Variants in ENTPD3 observed in about 807,000 individuals in gnomAD.
ENTPD3 encodes the protein ectonucleoside triphosphate diphosphohydrolase 3.
Under a neutral mutation model 51.2 loss-of-function variants are expected in ENTPD3, and 60 were observed. The observed-to-expected ratio is 1.17, with a 90% CI of 0.95 to 1.45. The LOEUF (loss-of-function observed/expected upper bound fraction) is 1.45. Ranked by LOEUF, ENTPD3 falls within the 40% of genes most tolerant of loss-of-function variation. The pLI is 0.00. For synonymous variants in ENTPD3, 221 were observed against 238.4 expected, an observed-to-expected ratio of 0.93 and a Z score of 0.67; for missense variants, 593 against 641.1, an observed-to-expected ratio of 0.93 and a Z score of 0.81.
chr3:40,427,343 C>G lies in ENTPD3; in HGVS notation c.1425C>G (p.Ser475Arg). ...TGACCAACCAGATCCCAGCTGAAAG[C>G]CCTCTGATCCGTCTGCCCATAGAAC... ...LSLTNQIPAESPLIRLPIEPP... is the reference protein window; with the variant it reads ...LSLTNQIPAERPLIRLPIEPP... The change falls in exon 11 of 11, where the codon AGC (serine) becomes AGG (arginine). Residue 475 changes from serine (S) to arginine (R), a missense_variant. Ser to Arg is a moderately radical substitution (Grantham distance 110). Coordinates refer to ENST00000301825, the MANE Select transcript of ENTPD3 (RefSeq NM_001248.4). 2 of 1,614,160 alleles carry G rather than the reference C, an allele frequency of 1.2e-6. No homozygotes were observed. Among genetic ancestry groups the G allele is most frequent in the Non-Finnish European group, 1.7e-6 (2 of 1,180,034 alleles).
chr3:40,428,115 A>G lies in ENTPD3; in HGVS notation c.*607A>G, dbSNP rs1228196428. ...CAGAGACATAAAAAAGGTCTCCCAG[A>G]AAACTATAGACCATTCTCCAAGTGG... On this transcript the variant is annotated 3_prime_UTR_variant, in exon 11 of 11. Coordinates refer to ENST00000301825, the MANE Select transcript of ENTPD3 (RefSeq NM_001248.4). 1 of 155,682 alleles carries G rather than the reference A, an allele frequency of 6.4e-6. No individual in the cohort carries two copies. The highest frequency in any genetic ancestry group is 1.4e-5 in the Non-Finnish European group (1 of 70,040). The allele number at this position is 155,682 out of a possible 1,614,324, so 9.6% of individuals were successfully genotyped here.
intron 4 of ENTPD3, among the ~76,000 whole-genome samples, chr3:40,402,873 G>C (rs902080380): frequency 1.3e-5 from 2 of 152,148 alleles, no homozygotes; most frequent in African/African-American, 4.8e-5. Context: ...CCAAGTAATT[G>C]AGCCTAGTTA....
chr3:40,388,236 G>A (rs781186360), intron 2 of ENTPD3, 139 bp downstream of exon 2: 30 of 744,742 alleles, frequency 4.0e-5, no homozygotes, highest in Non-Finnish European at 6.4e-5. Flanking sequence ...ACTCAGCTGG[G>A]TTTCAACACC....
Position 40,400,044 on chromosome 3 carries a change from C to T in ENTPD3, c.169-850C>T, listed in dbSNP as rs186584980. ...CTTTGGGAGGCCGAGGCGGGTGGAT[C>T]ACTTGAGGTCGGGAGTTTGAGACCA... On this transcript the variant is annotated intron_variant, in intron 3 of 10. Transcript: ENST00000301825. Among the ~76,000 whole-genome samples the T allele has an allele frequency of 1.7e-3, 264 of 152,206 alleles. 2 individuals carry two copies. Among genetic ancestry groups the T allele is most frequent in the African/African-American group, 6.1e-3 (255 of 41,538 alleles).
At chr3:40,399,494 C>G (rs888475525) in intron 3 of ENTPD3, 1 of 152,152 alleles carries the variant, frequency 6.6e-6, no homozygotes, top group Non-Finnish European at 1.5e-5. Flanking sequence ...ATCATAAAAT[C>G]GAGAATCCAT....
At chr3:40,412,102 C>T (rs961571248) in intron 5 of ENTPD3, 140 bp downstream of exon 5, 46 of 894,950 alleles carry the variant, frequency 5.1e-5, no homozygotes, top group Non-Finnish European at 6.8e-5. Flanking sequence ...TAAATTTGGG[C>T]TTTAAAGGTT....
At chr3:40,404,693 C>T (rs1226904695) in intron 4 of ENTPD3, among the ~76,000 whole-genome samples, 1 of 152,150 alleles carries the variant, frequency 6.6e-6, no homozygotes. Context: ...CAAACTAAAG[C>T]TCAAATTACA....
At chr3:40,403,687 C>T (rs1955424754) in intron 4 of ENTPD3, among the ~76,000 whole-genome samples, 1 of 141,526 alleles carries the variant, frequency 7.1e-6, no homozygotes, top group Non-Finnish European at 1.5e-5. Context: ...GGGTCTCATT[C>T]TGTCTCCCAG....
rs749902353 is a variant in ENTPD3, at chr3:40,414,744, G to A, written c.501G>A (p.Gln167=). Residue 167 remains glutamine (Q), a synonymous_variant, in exon 6 of 11, where the codon CAG becomes CAA. Transcript: ENST00000301825. ...GCATCCAAAGCTACTTCAAGTCCCAGCCCTTTGACTTTAGGGGTGCTCAAA... is the reference window on the plus strand; with the variant it reads ...GCATCCAAAGCTACTTCAAGTCCCAACCCTTTGACTTTAGGGGTGCTCAAA... ...LESIQSYFKS[Q]PFDFRGAQII... The A allele has an allele frequency of 6.2e-7, 1 of 1,614,134 alleles. No individual in the cohort carries two copies.
intron 5 of ENTPD3, 149 bp from the exon 6 acceptor site, chr3:40,414,532 G>T: frequency 1.2e-6 from 1 of 820,482 alleles, no homozygotes; most frequent in Non-Finnish European, 1.9e-6. Context: ...CTTGCAAAAG[G>T]GATTGTGGTG....
intron 3 of ENTPD3, among the ~76,000 whole-genome samples, chr3:40,393,935 C>A (rs1480254669): frequency 6.6e-6 from 1 of 150,676 alleles, no homozygotes; most frequent in African/African-American, 2.4e-5. Context: ...TCCCAGCTAG[C>A]TACTCAGGAG....
chr3:40,423,298 C>T lies in ENTPD3; in HGVS notation c.1112C>T (p.Ala371Val). Residue 371 changes from alanine to valine, a missense_variant, in exon 9 of 11, where the codon GCA becomes GTA. By Grantham distance (64) the Ala-to-Val change is moderately conservative. Transcript: ENST00000301825. The stretch of plus-strand genomic sequence containing the variant: ...TGTATTACTTATTTCCAGGCTTTTG[C>T]AGGATTCTACTACACAGCCAGTGCT... ...PKIKGPFVAF[A>V]GFYYTASALN... The T allele has an allele frequency of 5.0e-6, 8 of 1,612,954 alleles. No homozygotes were observed. Among genetic ancestry groups the T allele is most frequent in the Non-Finnish European group, 6.8e-6 (8 of 1,179,104 alleles).
At chr3:40,414,376 G>A (rs1045359482) in intron 5 of ENTPD3, among the ~76,000 whole-genome samples, 1 of 152,202 alleles carries the variant, frequency 6.6e-6, no homozygotes, top group African/African-American at 2.4e-5. Flanking sequence ...AGCAATGGCA[G>A]TTAAATAGGA....
intron 7 of ENTPD3, among the ~76,000 whole-genome samples, chr3:40,422,054 C>T (rs1299500637): frequency 6.6e-6 from 1 of 151,810 alleles, no homozygotes; most frequent in Non-Finnish European, 1.5e-5. Context: ...TTCATAAAAC[C>T]TGGTTCATAG....
intron 3 of ENTPD3, among the ~76,000 whole-genome samples, chr3:40,395,523 G>A (rs1008098718): frequency 3.3e-5 from 5 of 152,184 alleles, no homozygotes; most frequent in Non-Finnish European, 5.9e-5. Flanking sequence ...CCAAGAGAGG[G>A]CCTGCTATGC....
chr3:40,409,821 T>G (rs867768863), intron 4 of ENTPD3, among the ~76,000 whole-genome samples: 1 of 151,940 alleles, frequency 6.6e-6, no homozygotes, highest in Non-Finnish European at 1.5e-5. Flanking sequence ...TAAAAAGAAA[T>G]GAAGAATATT....
intron 6 of ENTPD3, 125 bp downstream of exon 6, chr3:40,414,965 A>C: frequency 1.1e-6 from 1 of 935,822 alleles, no homozygotes; most frequent in East Asian, 2.4e-5. Flanking sequence ...CATGTAACGC[A>C]TTAGGGAAAT....
intron 4 of ENTPD3, 90 bp downstream of exon 4, chr3:40,401,101 C>A: frequency 2.1e-6 from 2 of 938,610 alleles, no homozygotes; most frequent in Non-Finnish European, 3.5e-6. Flanking sequence ...TGAGATGTTG[C>A]TTGGAGGCAG....
At chr3:40,414,961 AC>A (rs1439988293) in intron 6 of ENTPD3, 121 bp downstream of exon 6, 46 of 987,096 alleles carry the variant, frequency 4.7e-5, no homozygotes, top group Non-Finnish European at 6.8e-5. Flanking sequence ...CTACCATGTA[AC>A]GCATTAGGGA....
Sources: allele counts gnomAD v4.1 joint callset (sites outside exome capture counted in the v4.1 genomes callset), GRCh38; gene constraint gnomAD v4.1.1; transcripts MANE v1.5; gene names NCBI Gene and HGNC (gene_info 2026-07-23, HGNC 2026-07-21).